The following ARK2C variants were observed in gnomAD, a reference collection of about 807,000 sequenced individuals.
ARK2C encodes E3 ubiquitin-protein ligase ARK2C.
the ARK2C span, among the ~76,000 whole-genome samples, chr18:46,355,778 C>A: frequency 6.6e-6 from 1 of 152,218 alleles, no homozygotes; most frequent in East Asian, 1.9e-4. Context: ...CCCTCAAGAC[C>A]TTCTCCAAAC....
the ARK2C span, among the ~76,000 whole-genome samples, chr18:46,343,149 C>T: frequency 6.6e-6 from 1 of 152,234 alleles, no homozygotes; most frequent in Non-Finnish European, 1.5e-5. Flanking sequence ...GGACTGCTGT[C>T]CAGCCATGTG....
the ARK2C span, among the ~76,000 whole-genome samples, chr18:46,444,212 G>T: frequency 6.6e-6 from 1 of 152,046 alleles, no homozygotes; most frequent in African/African-American, 2.4e-5. Context: ...TCAGGAATTA[G>T]ATTATTATGT....
the ARK2C span, among the ~76,000 whole-genome samples, chr18:46,421,428 C>T: frequency 3.9e-5 from 6 of 152,154 alleles, no homozygotes; most frequent in Non-Finnish European, 8.8e-5. Flanking sequence ...GGATCTGTGC[C>T]AGGCAGTAGG....
the ARK2C span, among the ~76,000 whole-genome samples, chr18:46,401,160 G>A: frequency 7.2e-5 from 11 of 152,030 alleles, no homozygotes; most frequent in South Asian, 2.1e-4. Context: ...GTCCCCAGGG[G>A]CCTACTTGGT....
the ARK2C span, chr18:46,386,245 A>C: frequency 6.6e-6 from 1 of 152,124 alleles, no homozygotes; most frequent in East Asian, 1.9e-4. Flanking sequence ...ACATACAAAG[A>C]TCTGTAGACT....
At chr18:46,367,537 G>C in the ARK2C span, among the ~76,000 whole-genome samples, 1 of 152,158 alleles carries the variant, frequency 6.6e-6, no homozygotes, top group African/African-American at 2.4e-5. Flanking sequence ...TGAATAATAG[G>C]TGGGTCTATT....
the ARK2C span, among the ~76,000 whole-genome samples, chr18:46,427,277 G>A: frequency 1.3e-5 from 2 of 152,192 alleles, no homozygotes; most frequent in South Asian, 2.1e-4. Context: ...CTGCCACCCC[G>A]GAGAGAAGGC....
the ARK2C span, among the ~76,000 whole-genome samples, chr18:46,453,483 G>C: frequency 2.0e-5 from 3 of 152,040 alleles, no homozygotes; most frequent in Non-Finnish European, 4.4e-5. Context: ...GAATCAAGTA[G>C]ATAAAGGGCT....
chr18:46,400,265 T>G, the ARK2C span, among the ~76,000 whole-genome samples: 1 of 152,332 alleles, frequency 6.6e-6, no homozygotes, highest in South Asian at 2.1e-4. Flanking sequence ...TGGGTAGGCC[T>G]GGGGGACTCT....
At chr18:46,393,379 C>T in the ARK2C span, among the ~76,000 whole-genome samples, 1 of 152,110 alleles carries the variant, frequency 6.6e-6, no homozygotes, top group African/African-American at 2.4e-5. Context: ...AGACACCTTC[C>T]CGCTGACCAC....
the ARK2C span, among the ~76,000 whole-genome samples, chr18:46,355,107 G>T: frequency 6.6e-6 from 1 of 151,920 alleles, no homozygotes; most frequent in Non-Finnish European, 1.5e-5. Flanking sequence ...ATGCCACCAT[G>T]CCTGGCTAAT....
At chr18:46,388,586 C>T in the ARK2C span, among the ~76,000 whole-genome samples, 1 of 152,124 alleles carries the variant, frequency 6.6e-6, no homozygotes, top group Non-Finnish European at 1.5e-5. Flanking sequence ...CTGAACCAAG[C>T]TGCCCTCAAT....
the ARK2C span, among the ~76,000 whole-genome samples, chr18:46,367,319 A>G: frequency 6.6e-6 from 1 of 152,178 alleles, no homozygotes; most frequent in Admixed American, 6.5e-5. Context: ...AAAAGTCAAC[A>G]GTTCAGTGAT....
At chr18:46,461,112 A>AC in the ARK2C span, 2 of 152,252 alleles carry the variant, frequency 1.3e-5, no homozygotes, top group African/African-American at 2.4e-5. Context: ...AAAAAGCCTG[A>AC]CTTCTTAGAA....
chr18:46,445,514 A>G, the ARK2C span, among the ~76,000 whole-genome samples: 6 of 152,182 alleles, frequency 3.9e-5, no homozygotes, highest in Non-Finnish European at 8.8e-5. Flanking sequence ...GACTCAAGGG[A>G]ATCTCCGTGC....
the ARK2C span, among the ~76,000 whole-genome samples, chr18:46,447,888 C>G: frequency 6.6e-6 from 1 of 150,496 alleles, no homozygotes; most frequent in East Asian, 2.0e-4. Flanking sequence ...CCCTGGCCTT[C>G]TTGTGTCCTG....
the ARK2C span, among the ~76,000 whole-genome samples, chr18:46,452,125 C>T: frequency 6.6e-6 from 1 of 152,144 alleles, no homozygotes; most frequent in Non-Finnish European, 1.5e-5. Flanking sequence ...CAACACAGAG[C>T]AAACCCTAAT....
At chr18:46,367,778 T>C in the ARK2C span, among the ~76,000 whole-genome samples, 2 of 152,346 alleles carry the variant, frequency 1.3e-5, no homozygotes, top group Admixed American at 6.5e-5. Context: ...AGGTTAGAGG[T>C]ATGGCTCTCA....
At chr18:46,350,510 G>A in the ARK2C span, among the ~76,000 whole-genome samples, 1 of 152,290 alleles carries the variant, frequency 6.6e-6, no homozygotes, top group African/African-American at 2.4e-5. Context: ...GTCAAGAGGG[G>A]CAAGCATGGT....
Sources: gnomAD v4.1 joint callset for allele counts (sites outside exome capture counted in the v4.1 genomes callset) on GRCh38, gnomAD v4.1.1 for gene constraint, MANE v1.5 for transcripts, NCBI Gene and HGNC (gene_info 2026-07-23, HGNC 2026-07-21) for gene names.